Variants in ATP1A2 observed in about 807,000 individuals in gnomAD.
The protein encoded by ATP1A2 is ATPase Na+/K+ transporting subunit alpha 2.
In ATP1A2, 56 loss-of-function variants were observed where a neutral mutation model predicts 113.1. The ratio of observed to expected loss-of-function variants is 0.49; its 90% confidence interval spans 0.40 to 0.62. The LOEUF (loss-of-function observed/expected upper bound fraction) is 0.62. ATP1A2 is among the 20% of genes least tolerant of loss of function. The pLI, the probability that ATP1A2 is intolerant of heterozygous loss-of-function variation, is 0.00. For missense variants in ATP1A2, 712 were observed against 1,357.8 expected (o/e 0.52, Z 7.47); for synonymous variants, 490 against 526.8 (o/e 0.93, Z 0.96).
intron 1 of ATP1A2, among the ~76,000 whole-genome samples, chr1:160,116,543 C>A (rs1651191463): frequency 2.4e-4 from 1 of 4,154 alleles, no homozygotes; most frequent in Non-Finnish European, 8.4e-4. Context: ...GACAGGTGAC[C>A]CCCCCCCCAG....
At chr1:160,118,799 C>T (rs111570639) in intron 1 of ATP1A2, among the ~76,000 whole-genome samples, 2 of 152,132 alleles carry the variant, frequency 1.3e-5, no homozygotes, top group African/African-American at 4.8e-5. Context: ...TTGTACTGGT[C>T]AGACTTCTAC....
chr1:160,141,353 G>T lies in ATP1A2; in HGVS notation c.*31G>T. The T allele has an allele frequency of 6.2e-7, 1 of 1,613,402 alleles. No individual in the cohort carries two copies. The highest frequency in any genetic ancestry group is 1.7e-5 in the Admixed American group (1 of 60,030). Reference sequence around the variant, plus strand: ...TTGGAAGAAGAACCAGGCATGGAAAGATGGGGAGCTCTGGAGGTGTTGTGG... The same window carrying T: ...TTGGAAGAAGAACCAGGCATGGAAATATGGGGAGCTCTGGAGGTGTTGTGG... On this transcript the variant is annotated 3_prime_UTR_variant, in exon 23 of 23. Coordinates refer to ENST00000361216, the MANE Select transcript of ATP1A2 (RefSeq NM_000702.4).
intron 20 of ATP1A2, 64 bp from the exon 21 acceptor site, chr1:160,139,576 G>A: frequency 7.0e-7 from 1 of 1,432,150 alleles, no homozygotes; most frequent in South Asian, 1.1e-5. Flanking sequence ...CACCCCAGGG[G>A]TATCCCAGGA....
At chr1:160,123,814 A>T in intron 4 of ATP1A2, 129 bp from the exon 5 acceptor site, 1 of 848,796 alleles carries the variant, frequency 1.2e-6, no homozygotes, top group East Asian at 2.6e-5. Context: ...CCCTACCATC[A>T]TCACTCTCAG....
rs141952692 is a variant in ATP1A2, at chr1:160,118,960, G to A, written c.13-1946G>A. On this transcript the variant is annotated intron_variant, in intron 1 of 22. Transcript: ENST00000361216. ...CTATTCCATATGATACCACAATGGC[G>A]GATACACGTCAGTATACATTTGCCC... 3.3e-3 allele frequency among the ~76,000 whole-genome samples: 506 copies of A among 152,054 alleles called. 3 individuals carry two copies. Among genetic ancestry groups the A allele is most frequent in the Non-Finnish European group, 3.9e-3 (265 of 68,004 alleles).
rs1024755458 is a variant in ATP1A2 at position 160,141,549 on chromosome 1, C to T, written c.*227C>T. On this transcript the variant is annotated 3_prime_UTR_variant, in exon 23 of 23. Transcript: ENST00000361216. ...TAGACACTATGTGTTAGAGTCCCCCCGACCAGATCCTTTTCCATCCCACTC... is the reference window on the plus strand; with the variant it reads ...TAGACACTATGTGTTAGAGTCCCCCTGACCAGATCCTTTTCCATCCCACTC... The T allele has an allele frequency of 1.3e-5, 8 of 605,114 alleles. No homozygotes were observed. Among genetic ancestry groups the T allele is most frequent in the African/African-American group, 7.4e-5 (4 of 54,230 alleles). The allele number at this position is 605,114 out of a possible 1,614,324, so 37.5% of individuals were successfully genotyped here. A position where few individuals can be genotyped will look rare whatever the true frequency, so the allele number is the denominator to read the frequency against.
At chr1:160,136,085 T>C in intron 17 of ATP1A2, 92 bp downstream of exon 17, 2 of 1,605,402 alleles carry the variant, frequency 1.2e-6, no homozygotes, top group Non-Finnish European at 1.7e-6. Context: ...TGGCCCCAGC[T>C]GTGGGGGTTA....
intron 22 of ATP1A2, 98 bp downstream of exon 22, chr1:160,140,082 G>A: frequency 7.9e-7 from 1 of 1,273,750 alleles, no homozygotes; most frequent in South Asian, 1.2e-5. Context: ...ACTGGTTCCT[G>A]CTTCTGTTCC....
Position 160,129,269 on chromosome 1 carries a change from G to A in ATP1A2, c.1330G>A (p.Asp444Asn). Residue 444 changes from aspartate to asparagine, a missense_variant, in exon 11 of 23, where the codon GAC (aspartate) becomes AAC (asparagine). This residue lies in a region of ATP1A2 where 263 missense variants were observed against 380.6 expected (regional missense o/e 0.69). Transcript: ENST00000361216. ...GAATTCTTGTCTCTTCTGGCAGCGG[G>A]ACACAGCTGGTGATGCCTCTGAGTC... is the stretch of plus-strand genomic sequence containing the variant. ...GQENISVSKRDTAGDASESAL... is the reference protein window; with the variant it reads ...GQENISVSKRNTAGDASESAL... 1 of 1,614,102 alleles carries A rather than the reference G, an allele frequency of 6.2e-7. No homozygotes were observed. Among genetic ancestry groups the A allele is most frequent in the South Asian group, 1.1e-5 (1 of 91,068 alleles).
chr1:160,138,022 G>A (rs1190651006), intron 20 of ATP1A2, among the ~76,000 whole-genome samples: 2 of 152,190 alleles, frequency 1.3e-5, no homozygotes, highest in Non-Finnish European at 2.9e-5. Context: ...TATAATTCTG[G>A]GGCCTGGGAC....
chr1:160,141,741 C>T lies in ATP1A2; in HGVS notation c.*419C>T, dbSNP rs1040647353. The T allele has an allele frequency of 4.3e-5, 11 of 258,158 alleles. No individual in the cohort carries two copies. The highest frequency in any genetic ancestry group is 2.4e-4 in the African/African-American group (11 of 45,794). 16.0% of individuals were successfully genotyped at this position (258,158 alleles called of 1,614,324 possible). A position where few individuals can be genotyped will look rare whatever the true frequency, so the allele number is the denominator to read the frequency against. ...CACCCCAGCCTCACTCCATTTCCCA[C>T]TTCCACCCCCGTTAGCTTCCTGCAG... On this transcript the variant is annotated 3_prime_UTR_variant, in exon 23 of 23. Transcript: ENST00000361216.
At chr1:160,118,309 C>T (rs1436334423) in intron 1 of ATP1A2, among the ~76,000 whole-genome samples, 1 of 152,162 alleles carries the variant, frequency 6.6e-6, no homozygotes, top group African/African-American at 2.4e-5. Flanking sequence ...CAGACCCAGC[C>T]CTGCTCCTCT....
Position 160,124,060 on chromosome 1 carries a change from A to G in ATP1A2, c.495+4A>G. The G allele has an allele frequency of 6.2e-7, 1 of 1,613,946 alleles. No individual in the cohort carries two copies. Among genetic ancestry groups the G allele is most frequent in the Non-Finnish European group, 8.5e-7 (1 of 1,179,796 alleles). On this transcript the variant is annotated splice_donor_region_variant and intron_variant, in intron 5 of 22. Transcript: ENST00000361216. ...CTTCAAGAACATGGTACCTCAGGTA[A>G]GATGGCAGGGCTGGGCTCTGGGCTA...
In ATP1A2 at chr1:160,135,274, T is replaced by C. The variant is rs1651899227; in HGVS notation, c.2094T>C (p.Ile698=). 1 of 1,614,040 alleles carries C rather than the reference T, an allele frequency of 6.2e-7. No individual in the cohort carries two copies. Among genetic ancestry groups the C allele is most frequent in the Non-Finnish European group, 8.5e-7 (1 of 1,180,006 alleles). ...ARTSPQQKLI[I]VEGCQRQGAI... ...CGTCTCCCCAGCAGAAGCTCATCAT[T>C]GTGGAGGGATGTCAGAGGCAGGTGA... Residue 698 remains isoleucine (I), a synonymous_variant, in exon 15 of 23, where the codon ATT becomes ATC. Coordinates refer to ENST00000361216, the MANE Select transcript of ATP1A2 (RefSeq NM_000702.4). This position sits in a 1 kb window ranked among gnomAD's most constrained non-coding sequence, Gnocchi z 6.3.
rs1651555187 is a variant in ATP1A2, at chr1:160,125,374, TC to T, written c.748+122del. On this transcript the variant is annotated intron_variant, in intron 7 of 22. Coordinates refer to ENST00000361216, the MANE Select transcript of ATP1A2 (RefSeq NM_000702.4). ...TGCCATTGGTGGGGCAATTGAGGGG[TC>T]AGGGGGCCCTGAATATTATGGAAAC... 6.6e-6 allele frequency: 6 copies of T among 913,872 alleles called. No homozygotes were observed. The Admixed American group carries it at 9.5e-5, about 14-fold the overall frequency. 56.6% of individuals were successfully genotyped at this position (913,872 alleles called of 1,614,324 possible).
chr1:160,124,150 T>A, intron 5 of ATP1A2, 94 bp downstream of exon 5: 1 of 1,570,868 alleles, frequency 6.4e-7, no homozygotes, highest in Non-Finnish European at 8.7e-7. Context: ...AAGATAGAGA[T>A]GGACAGAAAA....
At chr1:160,125,346 C>G in intron 7 of ATP1A2, 93 bp downstream of exon 7, 4 of 1,198,818 alleles carry the variant, frequency 3.3e-6, no homozygotes, top group African/African-American at 1.5e-5. Flanking sequence ...CTGGCAAAAG[C>G]TCTGCCATTG....
intron 13 of ATP1A2, 91 bp downstream of exon 13, chr1:160,130,688 C>A: frequency 6.4e-7 from 1 of 1,555,994 alleles, no homozygotes. Flanking sequence ...AAGGCCCAGG[C>A]CACGGTGGCC....
chr1:160,120,895 T>G lies in ATP1A2; in HGVS notation c.13-11T>G, dbSNP rs72633673. 1.9e-4 allele frequency: 14 copies of G among 73,828 alleles called. No individual in the cohort carries two copies. Among genetic ancestry groups the G allele is most frequent in the Non-Finnish European group, 4.0e-4 (14 of 34,960 alleles). The allele number at this position is 73,828 out of a possible 1,614,324, so 4.6% of individuals were successfully genotyped here. ...CTTCCCTGACTCTCTGGCTCTCCCT[T>G]CCTCCCTCAGGCTGGCCGTGAGTAC... On this transcript the variant is annotated splice_polypyrimidine_tract_variant and intron_variant, in intron 1 of 22. Transcript: ENST00000361216.
Sources: gnomAD v4.1 joint callset for allele counts (sites outside exome capture counted in the v4.1 genomes callset) on GRCh38, gnomAD v4.1.1 for gene constraint, gnomAD v4.1.1 regional missense constraint, Gnocchi (gnomAD v3.1) non-coding constraint, MANE v1.5 for transcripts, NCBI Gene and HGNC (gene_info 2026-07-23, HGNC 2026-07-21) for gene names.